The following ADGRL3 variants were observed in gnomAD, a reference collection of about 807,000 sequenced individuals.
ADGRL3 encodes the protein calcium-independent alpha-latrotoxin receptor 3.
Under a neutral mutation model 153.5 loss-of-function variants are expected in ADGRL3, and 62 were observed. That is an observed-to-expected ratio of 0.40 (90% CI 0.33 to 0.50). The LOEUF (loss-of-function observed/expected upper bound fraction) is 0.50, where lower values mean the gene tolerates loss of function less well. ADGRL3 is among the 20% of genes least tolerant of loss of function. The pLI is 0.47. For synonymous variants in ADGRL3, 710 were observed against 672.5 expected, an observed-to-expected ratio of 1.06 and a Z score of -0.86; for missense variants, 1,641 against 1,859.4, an observed-to-expected ratio of 0.88 and a Z score of 2.16.
intron 17 of ADGRL3, among the ~76,000 whole-genome samples, chr4:61,953,856 G>A (rs746449975): frequency 3.3e-5 from 5 of 152,154 alleles, no homozygotes; most frequent in East Asian, 1.9e-4. Flanking sequence ...CTTGCAACAC[G>A]TTCTTCAGTT....
intron 9 of ADGRL3, among the ~76,000 whole-genome samples, chr4:61,846,414 A>G (rs996685283): frequency 6.6e-6 from 1 of 152,152 alleles, no homozygotes; most frequent in Non-Finnish European, 1.5e-5. Flanking sequence ...AAAATTTTCA[A>G]TTGCCTACTT....
intron 2 of ADGRL3, among the ~76,000 whole-genome samples, chr4:61,412,525 C>CA (rs1332509129): frequency 3.1e-4 from 47 of 152,324 alleles, no homozygotes; most frequent in African/African-American, 1.0e-3. Context: ...AAGACATGAA[C>CA]AACTTTGGTG....
chr4:61,752,618 G>A (rs918396839), intron 8 of ADGRL3, among the ~76,000 whole-genome samples: 9 of 152,054 alleles, frequency 5.9e-5, no homozygotes, highest in African/African-American at 2.2e-4. Context: ...TGCACTAGTG[G>A]TTTCTCTTGA....
At chr4:61,591,878 A>G (rs887269327) in intron 5 of ADGRL3, among the ~76,000 whole-genome samples, 1 of 151,798 alleles carries the variant, frequency 6.6e-6, no homozygotes, top group Non-Finnish European at 1.5e-5. Flanking sequence ...GGAGTTCAAG[A>G]CCAGCCTGGA....
rs534182515 is a variant in ADGRL3 at position 61,856,449 on chromosome 4, TTTTTC to T, written c.1481-36182_1481-36178del. Among the ~76,000 whole-genome samples, 1,073 of 148,614 alleles carry T rather than the reference TTTTTC, an allele frequency of 7.2e-3. 4 individuals are homozygous for T. The highest frequency in any genetic ancestry group is 9.7e-3 in the Non-Finnish European group (656 of 67,356). ...TTCCTTCCTTCCTTCCTTCCTTCCT[TTTTTC>T]TTTTCTTTTCTTTTCTTTTCTTTTT... On this transcript the variant is annotated intron_variant, in intron 9 of 26. Transcript: ENST00000683033.
intron 2 of ADGRL3, among the ~76,000 whole-genome samples, chr4:61,388,022 C>T (rs868114998): frequency 1.2e-4 from 18 of 152,208 alleles, no homozygotes; most frequent in South Asian, 8.3e-4. Context: ...ATGGTTTCAG[C>T]GGGTCCCTCC....
In ADGRL3 at chr4:61,501,409, C is replaced by T. The variant is rs2098385294; in HGVS notation, c.55+4061C>T. Among the ~76,000 whole-genome samples, 3 of 151,978 alleles carry T rather than the reference C, an allele frequency of 2.0e-5. No homozygotes were observed. In the South Asian group the frequency reaches 6.2e-4, roughly 32 times the overall value. On this transcript the variant is annotated intron_variant, in intron 3 of 26. Transcript: ENST00000683033. ...CATTTGATAAACCTTTCATTTTTTT[C>T]CCCTGCTCCTTTCTTACCTTGAAAT...
At chr4:61,557,901 G>A (rs1436672075) in intron 4 of ADGRL3, among the ~76,000 whole-genome samples, 1 of 151,406 alleles carries the variant, frequency 6.6e-6, no homozygotes, top group Non-Finnish European at 1.5e-5. Context: ...AGGTTGCCTG[G>A]ATAAGTATAT....
At chr4:61,451,936 G>T (rs910879971) in intron 2 of ADGRL3, among the ~76,000 whole-genome samples, 2 of 152,170 alleles carry the variant, frequency 1.3e-5, no homozygotes, top group Non-Finnish European at 2.9e-5. Context: ...GACTACATTT[G>T]TTATGTATTG....
chr4:61,498,336 G>T (rs2152814218), intron 3 of ADGRL3, among the ~76,000 whole-genome samples: 1 of 152,192 alleles, frequency 6.6e-6, no homozygotes, highest in East Asian at 1.9e-4. Flanking sequence ...AGATCACAAG[G>T]TCAAGAGATC....
At chr4:61,403,051 C>A (rs62305273) in intron 2 of ADGRL3, among the ~76,000 whole-genome samples, 93,428 of 151,526 alleles carry the variant, frequency 0.62, 29,639 homozygotes, top group Admixed American at 0.75. Flanking sequence ...CCTGGCCTTT[C>A]CTCTTTGTGT....
chr4:61,628,328 CA>C (rs1158517919), intron 5 of ADGRL3, among the ~76,000 whole-genome samples: 1 of 152,164 alleles, frequency 6.6e-6, no homozygotes, highest in Non-Finnish European at 1.5e-5. Context: ...CCTGCACTGC[CA>C]ATCTGATCAG....
At chr4:61,980,305 A>C (rs368259807) in intron 18 of ADGRL3, among the ~76,000 whole-genome samples, 2 of 31,046 alleles carry the variant, frequency 6.4e-5, no homozygotes, top group Non-Finnish European at 1.0e-4. Context: ...GGTAACCACT[A>C]ATTTTTTTTT....
chr4:61,715,580 A>G (rs1442065309), intron 6 of ADGRL3, among the ~76,000 whole-genome samples: 1 of 152,180 alleles, frequency 6.6e-6, no homozygotes, highest in Non-Finnish European at 1.5e-5. Context: ...ACTCACACAT[A>G]GCTTTTCAGA....
chr4:61,262,484 C>T (rs2092594365), intron 1 of ADGRL3, among the ~76,000 whole-genome samples: 1 of 151,994 alleles, frequency 6.6e-6, no homozygotes. Flanking sequence ...AATTGGGCAA[C>T]ATTTGCTTTC....
chr4:61,735,088 G>A (rs937457669), intron 8 of ADGRL3, among the ~76,000 whole-genome samples: 16 of 151,924 alleles, frequency 1.1e-4, no homozygotes, highest in African/African-American at 3.9e-4. Flanking sequence ...GTTTTTTATG[G>A]CCAATGGCCT....
rs2098403150 is a variant in ADGRL3, at chr4:61,866,840, C to T, written c.1481-25816C>T. ...TTAAGGATTAAAGGTAGTGTCACAT[C>T]AATCAATCCTCCATGTGCTTGTTGA... On this transcript the variant is annotated intron_variant, in intron 9 of 26. Coordinates refer to ENST00000683033, the MANE Select transcript of ADGRL3 (RefSeq NM_001387552.1). 1.3e-5 allele frequency among the ~76,000 whole-genome samples: 2 copies of T among 152,088 alleles called. 1 individual carries two copies. The highest frequency in any genetic ancestry group is 4.1e-4 in the South Asian group (2 of 4,820).
At position 62,076,894 on chromosome 4, in the gene ADGRL3, ATAT is replaced by A. The variant is rs1322472666; in HGVS notation, c.*5990_*5992del. ...AATCTTTCTAATACATATGAAATTA[ATAT>A]TATATTAGAATTATGTACATTATAC... On this transcript the variant is annotated 3_prime_UTR_variant, in exon 27 of 27. Coordinates refer to ENST00000683033, the MANE Select transcript of ADGRL3 (RefSeq NM_001387552.1). 2 of 151,698 alleles carry A rather than the reference ATAT, an allele frequency of 1.3e-5. No individual in the cohort carries two copies. The highest frequency in any genetic ancestry group is 4.8e-5 in the African/African-American group (2 of 41,492). 9.4% of individuals were successfully genotyped at this position (151,698 alleles called of 1,614,324 possible).
chr4:61,475,921 A>T (rs2098042497), intron 2 of ADGRL3, among the ~76,000 whole-genome samples: 1 of 152,180 alleles, frequency 6.6e-6, no homozygotes, highest in Non-Finnish European at 1.5e-5. Flanking sequence ...TTATGCAAGC[A>T]TTTTAGTTAA....
Sources: allele counts gnomAD v4.1 joint callset (sites outside exome capture counted in the v4.1 genomes callset), GRCh38; gene constraint gnomAD v4.1.1; transcripts MANE v1.5; gene names NCBI Gene and HGNC (gene_info 2026-07-23, HGNC 2026-07-21).